LTBP1: variants seen among roughly 807,000 people sequenced by gnomAD.
The protein encoded by LTBP1 is latent transforming growth factor beta binding protein 1.
A neutral mutation model predicts 207.6 loss-of-function variants in LTBP1; 129 were observed. That is an observed-to-expected ratio of 0.62 (90% CI 0.54 to 0.72). The LOEUF (loss-of-function observed/expected upper bound fraction) is 0.72, where lower values mean the gene tolerates loss of function less well. LTBP1 is among the 30% of genes least tolerant of loss of function. The pLI, the probability that LTBP1 is intolerant of heterozygous loss-of-function variation, is 0.00. For synonymous variants in LTBP1, 963 were observed against 833.7 expected (o/e 1.16, Z -2.67); for missense variants, 2,281 against 2,217.2 (o/e 1.03, Z -0.58).
At chr2:33,351,792 T>A (rs2094785252) in intron 26 of LTBP1, among the ~76,000 whole-genome samples, 1 of 152,234 alleles carries the variant, frequency 6.6e-6, no homozygotes, top group African/African-American at 2.4e-5. Context: ...CCCTGCATCC[T>A]CCTGCATCTT....
chr2:33,263,338 C>G lies in LTBP1; in HGVS notation c.2563C>G (p.Pro855Ala). ...ACCTCCTGTGCCTGTTGAAGTAGCTCCTGAAGCTTCTACGTCTAGTGCCAG... is the reference window on the plus strand; with the variant it reads ...ACCTCCTGTGCCTGTTGAAGTAGCTGCTGAAGCTTCTACGTCTAGTGCCAG... ...TSPPVPVEVA[P>A]EASTSSASQV... Residue 855 changes from proline to alanine, a missense_variant, in exon 15 of 34, where the codon CCT becomes GCT. Pro to Ala is a conservative substitution (Grantham distance 27). Around this residue, in one of 3 missense-constraint regions of LTBP1, gnomAD observed 1,671 missense variants for 1,634.8 expected, o/e 1.02. Transcript: ENST00000404816. The G allele has an allele frequency of 6.2e-7, 1 of 1,613,980 alleles. No individual in the cohort carries two copies. Among genetic ancestry groups the G allele is most frequent in the East Asian group, 2.2e-5 (1 of 44,866 alleles).
chr2:32,952,733 G>C (rs772930196), intron 2 of LTBP1, among the ~76,000 whole-genome samples: 1 of 152,142 alleles, frequency 6.6e-6, no homozygotes, highest in African/African-American at 2.4e-5. Context: ...GTAAGTGCAG[G>C]CCAGACAGAG....
chr2:33,086,238 T>A (rs969096771), intron 3 of LTBP1, among the ~76,000 whole-genome samples: 4 of 152,158 alleles, frequency 2.6e-5, no homozygotes, highest in Non-Finnish European at 2.9e-5. Context: ...AGAACAAGGC[T>A]GAAAATGGAG....
intron 24 of LTBP1, among the ~76,000 whole-genome samples, chr2:33,335,028 G>C (rs565143751): frequency 6.6e-5 from 10 of 152,140 alleles, no homozygotes; most frequent in African/African-American, 2.2e-4. Flanking sequence ...GCAGTGAGCT[G>C]TGGCTCACTG....
At chr2:32,950,893 A>G (rs1314284515) in intron 2 of LTBP1, among the ~76,000 whole-genome samples, 1 of 152,200 alleles carries the variant, frequency 6.6e-6, no homozygotes, top group African/African-American at 2.4e-5. Flanking sequence ...TCGGGGATCC[A>G]AAGATGTTCT....
At chr2:32,983,113 A>T (rs578147169) in intron 2 of LTBP1, among the ~76,000 whole-genome samples, 1 of 152,338 alleles carries the variant, frequency 6.6e-6, no homozygotes, top group South Asian at 2.1e-4. Flanking sequence ...GCAAAGCCAC[A>T]GGGGTGGAGC....
intron 32 of LTBP1, among the ~76,000 whole-genome samples, chr2:33,393,376 C>T (rs551979410): frequency 2.1e-4 from 31 of 150,646 alleles, no homozygotes; most frequent in African/African-American, 5.9e-4. Flanking sequence ...TGTGTCATGT[C>T]GGTGTGCTGC....
intron 10 of LTBP1, among the ~76,000 whole-genome samples, chr2:33,251,979 C>T (rs545211511): frequency 1.1e-4 from 17 of 152,192 alleles, no homozygotes; most frequent in South Asian, 2.1e-4. Context: ...ATCTACTAAA[C>T]GTATAGCAGA....
intron 22 of LTBP1, among the ~76,000 whole-genome samples, chr2:33,303,812 G>GCCGC (rs2149052234): frequency 6.6e-6 from 1 of 152,256 alleles, no homozygotes; most frequent in South Asian, 2.1e-4. Flanking sequence ...CTCCTGCAGT[G>GCCGC]CCGCCCGGTT....
At chr2:33,019,921 T>G (rs219194) in intron 2 of LTBP1, among the ~76,000 whole-genome samples, 1 of 147,502 alleles carries the variant, frequency 6.8e-6, no homozygotes, top group Non-Finnish European at 1.5e-5. Flanking sequence ...ACTACGTTGC[T>G]GAGGCTAATC....
In LTBP1 at chr2:33,257,337, C is replaced by A; in HGVS notation, c.2221C>A (p.His741Asn). 1 of 1,614,178 alleles carries A rather than the reference C, an allele frequency of 6.2e-7. No homozygotes were observed. ...GGMGYTVSGV[H>N]RRRPIHHHVG... ...AATGGGTTATACGGTTTCTGGCGTT[C>A]ATAGACGCAGGCCAATCCATCACCA... The change falls in exon 12 of 34, where the codon CAT becomes AAT. Residue 741 changes from histidine (H) to asparagine (N), a missense_variant. Physicochemically the swap from His to Asn is moderately conservative, Grantham distance 68. Coordinates refer to ENST00000404816, the MANE Select transcript of LTBP1 (RefSeq NM_206943.4).
At chr2:33,277,414 C>T (rs370460275) in intron 18 of LTBP1, among the ~76,000 whole-genome samples, 2 of 152,206 alleles carry the variant, frequency 1.3e-5, no homozygotes, top group African/African-American at 2.4e-5. Context: ...CAGCTCACCA[C>T]GCCCACAGTA....
At chr2:33,169,641 A>G (rs945525850) in intron 5 of LTBP1, among the ~76,000 whole-genome samples, 7 of 152,246 alleles carry the variant, frequency 4.6e-5, no homozygotes, top group Non-Finnish European at 2.9e-5. Flanking sequence ...TATAAACTTA[A>G]TTATAGAAAA....
intron 26 of LTBP1, among the ~76,000 whole-genome samples, chr2:33,358,271 C>G (rs1190393968): frequency 2.0e-5 from 3 of 151,862 alleles, no homozygotes; most frequent in African/African-American, 7.3e-5. Context: ...GATTATTTCC[C>G]TTATGGGAAA....
In LTBP1 at chr2:33,250,650, C is replaced by T. The variant is rs558275843; in HGVS notation, c.2000-2027C>T. Among the ~76,000 whole-genome samples the T allele has an allele frequency of 2.6e-5, 4 of 152,298 alleles. No homozygotes were observed. In the East Asian group the frequency reaches 7.7e-4, roughly 29 times the overall value. ...GAGAGCCCTTCGGCCCTCACAGACT[C>T]TGAGACTTAACATAGGGAGCTGCCT... On this transcript the variant is annotated intron_variant, in intron 10 of 33. Coordinates refer to ENST00000404816, the MANE Select transcript of LTBP1 (RefSeq NM_206943.4).
intron 13 of LTBP1, among the ~76,000 whole-genome samples, chr2:33,261,794 G>T (rs987379034): frequency 2.0e-5 from 3 of 152,206 alleles, no homozygotes; most frequent in Non-Finnish European, 4.4e-5. Context: ...TTGGATTTAT[G>T]ATGAGATATC....
At chr2:33,279,791 C>T (rs971944202) in intron 18 of LTBP1, among the ~76,000 whole-genome samples, 1 of 152,112 alleles carries the variant, frequency 6.6e-6, no homozygotes, top group Non-Finnish European at 1.5e-5. Flanking sequence ...GAGGCCAGGT[C>T]CTGCTAGTTG....
At chr2:33,173,573 G>C (rs949858272) in intron 5 of LTBP1, among the ~76,000 whole-genome samples, 1 of 151,770 alleles carries the variant, frequency 6.6e-6, no homozygotes, top group Non-Finnish European at 1.5e-5. Context: ...TTCTACCAGA[G>C]GTACAAGGAG....
chr2:33,197,116 G>T (rs1406649800), intron 7 of LTBP1, among the ~76,000 whole-genome samples: 4 of 152,134 alleles, frequency 2.6e-5, no homozygotes, highest in African/African-American at 9.7e-5. Flanking sequence ...TAAATCATTG[G>T]TGTTTATGTG....
Sources: allele counts gnomAD v4.1 joint callset (sites outside exome capture counted in the v4.1 genomes callset), GRCh38; gene constraint gnomAD v4.1.1; regional missense constraint gnomAD v4.1.1; transcripts MANE v1.5; gene names NCBI Gene and HGNC (gene_info 2026-07-23, HGNC 2026-07-21).